The following JAZF1 variants were observed in gnomAD, a reference collection of about 807,000 sequenced individuals.
The protein encoded by JAZF1 is JAZF zinc finger 1.
A neutral mutation model predicts 26.4 loss-of-function variants in JAZF1; 8 were observed. The observed-to-expected ratio is 0.30, with a 90% CI of 0.18 to 0.55. JAZF1 has a LOEUF of 0.55. Ranked by LOEUF, JAZF1 falls within the 20% of genes least tolerant of loss-of-function variation. JAZF1 has a pLI of 0.94. For missense variants in JAZF1, 199 were observed against 322.0 expected (o/e 0.62, Z 2.92); for synonymous variants, 126 against 122.3 (o/e 1.03, Z -0.20).
intron 2 of JAZF1, among the ~76,000 whole-genome samples, chr7:27,926,485 C>A (rs1338956100): frequency 1.3e-5 from 2 of 152,216 alleles, no homozygotes; most frequent in Non-Finnish European, 2.9e-5. Flanking sequence ...TTGTGCATGT[C>A]AAGAAGACAT....
intron 3 of JAZF1, among the ~76,000 whole-genome samples, chr7:27,888,536 C>T (rs1783911271): frequency 6.6e-6 from 1 of 152,144 alleles, no homozygotes; most frequent in Non-Finnish European, 1.5e-5. Flanking sequence ...AAAATTCTAT[C>T]AGTCCTGTAA....
intron 2 of JAZF1, among the ~76,000 whole-genome samples, chr7:27,931,944 T>TA (rs1784694545): frequency 6.6e-6 from 1 of 152,024 alleles, no homozygotes; most frequent in Middle Eastern, 3.2e-3. Context: ...ATAAAAAAAT[T>TA]AAAAAAATCA....
intron 1 of JAZF1, among the ~76,000 whole-genome samples, chr7:28,056,120 C>T (rs900618193): frequency 3.3e-5 from 5 of 151,722 alleles, no homozygotes; most frequent in African/African-American, 1.2e-4. Context: ...AGTGCAGGGG[C>T]TCCATAAATA....
intron 4 of JAZF1, among the ~76,000 whole-genome samples, chr7:27,838,080 C>A (rs1338458623): frequency 6.7e-6 from 1 of 150,162 alleles, no homozygotes; most frequent in Admixed American, 6.6e-5. Flanking sequence ...TCCTTTGTTA[C>A]TTCTCTAAAA....
intron 1 of JAZF1, among the ~76,000 whole-genome samples, chr7:28,087,994 A>G (rs1405484657): frequency 6.6e-6 from 1 of 152,214 alleles, no homozygotes; most frequent in African/African-American, 2.4e-5. Context: ...AGCAATTACC[A>G]AGACAAGTCC....
At chr7:28,150,107 CTGAAA>C (rs1377276651) in intron 1 of JAZF1, among the ~76,000 whole-genome samples, 1 of 152,212 alleles carries the variant, frequency 6.6e-6, no homozygotes, top group Non-Finnish European at 1.5e-5. Flanking sequence ...GACTGAGTAA[CTGAAA>C]TGAGTGTTAC....
At chr7:27,972,122 G>C (rs1056509488) in intron 2 of JAZF1, among the ~76,000 whole-genome samples, 1 of 152,110 alleles carries the variant, frequency 6.6e-6, no homozygotes, top group African/African-American at 2.4e-5. Flanking sequence ...GATTCCTTAG[G>C]GGAAGACAGG....
At chr7:27,913,180 T>C (rs1784387898) in intron 2 of JAZF1, among the ~76,000 whole-genome samples, 1 of 151,688 alleles carries the variant, frequency 6.6e-6, no homozygotes, top group South Asian at 2.1e-4. Flanking sequence ...GGGAGGTCAA[T>C]ACAGAACAGC....
intron 1 of JAZF1, among the ~76,000 whole-genome samples, chr7:28,034,931 C>T (rs1033543681): frequency 8.5e-5 from 13 of 152,226 alleles, no homozygotes; most frequent in Admixed American, 7.2e-4. Context: ...TAATGAAATA[C>T]CATCACAGCC....
intron 3 of JAZF1, among the ~76,000 whole-genome samples, chr7:27,883,503 G>T (rs1052563538): frequency 1.3e-5 from 2 of 152,160 alleles, no homozygotes; most frequent in Non-Finnish European, 2.9e-5. Context: ...AAATAACACA[G>T]AAACACTGAA....
rs12672034 is a variant in JAZF1 at position 27,981,836 on chromosome 7, C to T, written c.188+10073G>A. 5.3e-5 allele frequency among the ~76,000 whole-genome samples: 8 copies of T among 152,310 alleles called. No individual in the cohort carries two copies. The East Asian group carries it at 1.5e-3, about 29-fold the overall frequency. ...ATGCCCTGACTCTAGAATTCCAGCA[C>T]ATCCTACTGACAGTTTATGCCAAAC... On this transcript the variant is annotated intron_variant, in intron 2 of 4. Coordinates refer to ENST00000283928, the MANE Select transcript of JAZF1 (RefSeq NM_175061.4).
intron 1 of JAZF1, among the ~76,000 whole-genome samples, chr7:28,136,877 T>C (rs1782894166): frequency 6.6e-6 from 1 of 151,956 alleles, no homozygotes; most frequent in Non-Finnish European, 1.5e-5. Flanking sequence ...GCCCACAGAG[T>C]GCGATGGGTG....
chr7:28,001,180 TC>T, intron 1 of JAZF1, among the ~76,000 whole-genome samples: 1 of 151,740 alleles, frequency 6.6e-6, no homozygotes, highest in Non-Finnish European at 1.5e-5. Context: ...CTGACAATAC[TC>T]TACTTCTAAT....
intron 3 of JAZF1, among the ~76,000 whole-genome samples, chr7:27,877,182 G>A (rs1042833928): frequency 5.9e-5 from 9 of 152,278 alleles, no homozygotes; most frequent in East Asian, 3.9e-4. Context: ...AAAGGGGAAC[G>A]AGAGAGCTAG....
intron 1 of JAZF1, among the ~76,000 whole-genome samples, chr7:28,094,950 G>A (rs1253029670): frequency 1.3e-5 from 2 of 152,032 alleles, no homozygotes; most frequent in Non-Finnish European, 2.9e-5. Flanking sequence ...GTCCCAACAA[G>A]AAAGAAGCTC....
At chr7:28,010,833 A>G (rs1374682541) in intron 1 of JAZF1, among the ~76,000 whole-genome samples, 1 of 152,228 alleles carries the variant, frequency 6.6e-6, no homozygotes, top group Non-Finnish European at 1.5e-5. Flanking sequence ...CAATTATTAA[A>G]CGACATCACA....
intron 1 of JAZF1, among the ~76,000 whole-genome samples, chr7:28,145,222 G>T (rs1035289701): frequency 6.6e-6 from 1 of 152,180 alleles, no homozygotes. Context: ...GAAGGACAAA[G>T]GAAAAGGTAA....
chr7:27,928,327 T>G (rs1784630940), intron 2 of JAZF1, among the ~76,000 whole-genome samples: 1 of 152,196 alleles, frequency 6.6e-6, no homozygotes. Flanking sequence ...TTTATTTAGG[T>G]TCAGCTTTAT....
rs1357524202 is a variant in JAZF1, at chr7:28,158,153, A to G, written c.115+22310T>C. Among the ~76,000 whole-genome samples, 185 of 106,406 alleles carry G rather than the reference A, an allele frequency of 1.7e-3. 1 individual carries two copies. Among genetic ancestry groups the G allele is most frequent in the African/African-American group, 6.3e-3 (170 of 27,164 alleles). The allele number at this position is 106,406 out of a possible 152,430, so 69.8% of individuals were successfully genotyped here. A position where few individuals can be genotyped will look rare whatever the true frequency, so the allele number is the denominator to read the frequency against. On this transcript the variant is annotated intron_variant, in intron 1 of 4. Transcript: ENST00000283928. ...GACCACATTGAAAACACGCGCGCAC[A>G]CACACACACACACAAACACACACAC... is the stretch of plus-strand genomic sequence containing the variant.
Sources: gnomAD v4.1 joint callset for allele counts (sites outside exome capture counted in the v4.1 genomes callset) on GRCh38, gnomAD v4.1.1 for gene constraint, MANE v1.5 for transcripts, NCBI Gene and HGNC (gene_info 2026-07-23, HGNC 2026-07-21) for gene names.